The following IL1RL1 variants were observed in gnomAD, a reference collection of about 807,000 sequenced individuals.
IL1RL1 encodes the protein interleukin-1 receptor-like 1.
IL1RL1 carries 32 observed loss-of-function variants against 50.9 expected under a neutral mutation model. The ratio of observed to expected loss-of-function variants is 0.63; its 90% CI spans 0.47 to 0.84. IL1RL1 has a LOEUF of 0.84. Among genes scored for constraint, IL1RL1 ranks in the 40% least tolerant of loss-of-function variants. The pLI, the probability that IL1RL1 is intolerant of heterozygous loss-of-function variation, is 0.00. For synonymous variants in IL1RL1, 275 were observed against 236.0 expected, an observed-to-expected ratio of 1.17 and a Z score of -1.51; for missense variants, 773 against 662.9, an observed-to-expected ratio of 1.17 and a Z score of -1.82.
intron 8 of IL1RL1, among the ~76,000 whole-genome samples, chr2:102,346,660 C>T (rs1232683422): frequency 1.3e-5 from 2 of 152,188 alleles, no homozygotes; most frequent in African/African-American, 2.4e-5. Flanking sequence ...AAATGATTTA[C>T]TTACGGAGTT....
intron 1 of IL1RL1, among the ~76,000 whole-genome samples, chr2:102,331,094 A>G (rs149978662): frequency 1.1e-3 from 168 of 152,304 alleles, no homozygotes; most frequent in South Asian, 2.7e-3. Flanking sequence ...TCTTTGATCA[A>G]CATGTCTGTC....
chr2:102,315,970 T>A (rs1676661694), intron 1 of IL1RL1, among the ~76,000 whole-genome samples: 1 of 152,214 alleles, frequency 6.6e-6, no homozygotes, highest in Non-Finnish European at 1.5e-5. Context: ...GGTTTTTCCA[T>A]TTTCTTTGTC....
At chr2:102,317,978 G>C (rs762431304) in intron 1 of IL1RL1, among the ~76,000 whole-genome samples, 22 of 152,202 alleles carry the variant, frequency 1.4e-4, no homozygotes, top group South Asian at 2.1e-4. Flanking sequence ...CAAGCAACAG[G>C]AAGGACAAAA....
At chr2:102,321,821 A>G (rs1402713471) in intron 1 of IL1RL1, among the ~76,000 whole-genome samples, 1 of 152,200 alleles carries the variant, frequency 6.6e-6, no homozygotes, top group African/African-American at 2.4e-5. Context: ...GATGATGGAG[A>G]TTAAGAGGAA....
At chr2:102,323,981 A>G (rs1676915854) in intron 1 of IL1RL1, among the ~76,000 whole-genome samples, 1 of 149,104 alleles carries the variant, frequency 6.7e-6, no homozygotes, top group Non-Finnish European at 1.5e-5. Context: ...GGCTTCTTTC[A>G]TTCAGTATGT....
At chr2:102,337,161 C>A (rs1220145545) in intron 1 of IL1RL1, 1 of 152,094 alleles carries the variant, frequency 6.6e-6, no homozygotes, top group African/African-American at 2.4e-5. Flanking sequence ...CATGATGCAC[C>A]AGCATTTTTG....
In IL1RL1 at chr2:102,338,927, C is replaced by T; in HGVS notation, c.152C>T (p.Ser51Leu). The T allele has an allele frequency of 6.2e-7, 1 of 1,613,746 alleles. No individual in the cohort carries two copies. The highest frequency in any genetic ancestry group is 8.5e-7 in the Non-Finnish European group (1 of 1,179,726). Residue 51 changes from serine (S) to leucine (L), a missense_variant, in exon 3 of 11, where the codon TCA becomes TTA. Physicochemically the swap from Ser to Leu is moderately radical, Grantham distance 145 (BLOSUM62 -2). Coordinates refer to ENST00000233954, the MANE Select transcript of IL1RL1 (RefSeq NM_016232.5). The stretch of plus-strand genomic sequence containing the variant: ...AGTTACACCGTGGATTGGTATTACT[C>T]ACAAACAAACAAAAGTATTCCCACT... ...KPSYTVDWYY[S>L]QTNKSIPTQE...
At chr2:102,334,826 G>A (rs532214632) in intron 1 of IL1RL1, among the ~76,000 whole-genome samples, 7 of 152,250 alleles carry the variant, frequency 4.6e-5, no homozygotes, top group Admixed American at 1.3e-4. Flanking sequence ...TTCTAAGTTC[G>A]GAAGTATTTG....
chr2:102,347,986 G>A lies in IL1RL1; in HGVS notation c.1012G>A (p.Val338Ile), dbSNP rs1370453311. 1.9e-6 allele frequency: 3 copies of A among 1,569,968 alleles called. No individual in the cohort carries two copies. The highest frequency in any genetic ancestry group is 2.6e-6 in the Non-Finnish European group (3 of 1,139,880). Residue 338 changes from valine to isoleucine, a missense_variant, in exon 9 of 11, where the codon GTA becomes ATA. Transcript: ENST00000233954. ...CTACTGCATAATTGCAGTATGTAGT[G>A]TATTTTTAATGCTAATCAATGTCCT... ...SIYCIIAVCS[V>I]FLMLINVLVI...
At chr2:102,335,825 C>T (rs1677305051) in intron 1 of IL1RL1, among the ~76,000 whole-genome samples, 1 of 152,162 alleles carries the variant, frequency 6.6e-6, no homozygotes, top group Admixed American at 6.5e-5. Flanking sequence ...CTTGGGGAAT[C>T]GCAGGCAGCA....
intron 1 of IL1RL1, among the ~76,000 whole-genome samples, chr2:102,333,982 G>A (rs1033402225): frequency 3.3e-5 from 5 of 152,136 alleles, no homozygotes; most frequent in East Asian, 1.9e-4. Flanking sequence ...CTAGTCAACC[G>A]TTGATGGACA....
At chr2:102,322,313 T>C (rs767997152) in intron 1 of IL1RL1, among the ~76,000 whole-genome samples, 1 of 152,216 alleles carries the variant, frequency 6.6e-6, no homozygotes, top group Non-Finnish European at 1.5e-5. Flanking sequence ...TTCATGCTTT[T>C]GTGTTGCCTG....
chr2:102,325,616 T>G (rs1022359590), intron 1 of IL1RL1, among the ~76,000 whole-genome samples: 3 of 151,932 alleles, frequency 2.0e-5, no homozygotes, highest in African/African-American at 7.3e-5. Flanking sequence ...AAAAATTAGA[T>G]GAATGGCTAA....
At chr2:102,348,554 G>C (rs1395397128) in intron 9 of IL1RL1, among the ~76,000 whole-genome samples, 1 of 152,150 alleles carries the variant, frequency 6.6e-6, no homozygotes, top group Non-Finnish European at 1.5e-5. Flanking sequence ...TGCATGAAAG[G>C]AGTCAGTTCT....
intron 1 of IL1RL1, among the ~76,000 whole-genome samples, chr2:102,332,775 T>C (rs1159042577): frequency 6.6e-6 from 1 of 152,212 alleles, no homozygotes; most frequent in Non-Finnish European, 1.5e-5. Context: ...CAAATGTCAC[T>C]AAATTGTGCA....
At position 102,340,097 on chromosome 2, in the gene IL1RL1, GT is replaced by G. The variant is rs1559603080; in HGVS notation, c.273del (p.Thr93HisfsTer25). 1 of 1,505,812 alleles carries G rather than the reference GT, an allele frequency of 6.6e-7. No individual in the cohort carries two copies. The highest frequency in any genetic ancestry group is 8.9e-7 in the Non-Finnish European group (1 of 1,123,858). The allele number at this position is 1,505,812 out of a possible 1,614,324, so 93.3% of individuals were successfully genotyped here. On this transcript the variant is annotated frameshift_variant and splice_region_variant, in exon 4 of 11. Transcript: ENST00000233954. LOFTEE classifies it high-confidence loss of function. The stretch of plus-strand genomic sequence containing the variant: ...TTTAATTGTCTGACTTATTTTAACA[GT>G]CCCACATTCAATAGGACTGGATATG... ...DSGIYTCIVR[S>X]PTFNRTGYAN...
chr2:102,337,056 T>C (rs1477655696), intron 1 of IL1RL1: 2 of 152,206 alleles, frequency 1.3e-5, no homozygotes, highest in African/African-American at 4.8e-5. Flanking sequence ...GATTCTAAAA[T>C]AGGAGGAAAT....
Position 102,338,849 on chromosome 2 carries a change from G to A in IL1RL1, c.74G>A (p.Trp25Ter), listed in dbSNP as rs1677429122. Residue 25 changes from tryptophan to a stop codon, truncating the protein, a stop_gained, in exon 3 of 11, where the codon TGG (tryptophan) becomes TAG (stop). Transcript: ENST00000233954. LOFTEE classifies it high-confidence loss of function. ...CTTTTATTTGCAGGTAAACAATCAT[G>A]GGGCCTGGAAAATGAGGCTTTAATT... ...STAAKFSKQS[W>*]GLENEALIVR... The A allele has an allele frequency of 1.2e-6, 2 of 1,611,560 alleles. No individual in the cohort carries two copies. The highest frequency in any genetic ancestry group is 1.7e-5 in the Admixed American group (1 of 59,918).
At position 102,349,248 on chromosome 2, in the gene IL1RL1, T is replaced by C. The variant is rs1162711490; in HGVS notation, c.1285+2T>C. On this transcript the variant is annotated splice_donor_variant, in intron 10 of 10. Coordinates refer to ENST00000233954, the MANE Select transcript of IL1RL1 (RefSeq NM_016232.5). LOFTEE classifies it high-confidence loss of function. ...GGAGAGATATGCTACCTGGAGAAGG[T>C]AAAGCTATTGACATACATTAGGGAC... 2 of 1,612,662 alleles carry C rather than the reference T, an allele frequency of 1.2e-6. No individual in the cohort carries two copies. Among genetic ancestry groups the C allele is most frequent in the South Asian group, 1.1e-5 (1 of 91,058 alleles).
Sources: gnomAD v4.1 joint callset for allele counts (sites outside exome capture counted in the v4.1 genomes callset) on GRCh38, gnomAD v4.1.1 for gene constraint, MANE v1.5 for transcripts, NCBI Gene and HGNC (gene_info 2026-07-23, HGNC 2026-07-21) for gene names.